Variants in CXXC4 observed in about 807,000 individuals in gnomAD.
CXXC4 encodes CXXC finger protein 4, also known as CXXC-type zinc finger protein 4.
CXXC4 carries 5 observed loss-of-function variants against 20.5 expected under a neutral mutation model. The ratio of observed to expected loss-of-function variants is 0.24; its 90% CI spans 0.13 to 0.51. CXXC4 has a LOEUF of 0.51. Ranked by LOEUF, CXXC4 falls within the 20% of genes least tolerant of loss-of-function variation. The pLI, the probability that CXXC4 is intolerant of heterozygous loss-of-function variation, is 0.97. For missense variants in CXXC4, 419 were observed against 496.4 expected, an observed-to-expected ratio of 0.84 and a Z score of 1.48; for synonymous variants, 250 against 216.4, an observed-to-expected ratio of 1.16 and a Z score of -1.36.
chr4:104,476,967 T>C (rs1736424867), intron 2 of CXXC4, among the ~76,000 whole-genome samples: 1 of 152,302 alleles, frequency 6.6e-6, no homozygotes, highest in South Asian at 2.1e-4. Flanking sequence ...ACCTACTGTA[T>C]AACCTTTTGA....
At position 104,483,582 on chromosome 4, in the gene CXXC4, A is replaced by G. The variant is rs138617126; in HGVS notation, c.1059+7162T>C. On this transcript the variant is annotated intron_variant, in intron 2 of 2. Coordinates refer to ENST00000394767, the MANE Select transcript of CXXC4 (RefSeq NM_025212.4). ...TATCTACCTGTTTTATTTCCTATGTACACTCATATATATATATATTCTCGA... is the reference window on the plus strand; with the variant it reads ...TATCTACCTGTTTTATTTCCTATGTGCACTCATATATATATATATTCTCGA... Among the ~76,000 whole-genome samples, 677 of 151,984 alleles carry G rather than the reference A, an allele frequency of 4.5e-3. 4 individuals are homozygous for G. The highest frequency in any genetic ancestry group is 0.015 in the African/African-American group (627 of 41,516).
At chr4:104,485,989 A>G (rs1442219556) in intron 2 of CXXC4, among the ~76,000 whole-genome samples, 1 of 152,116 alleles carries the variant, frequency 6.6e-6, no homozygotes, top group Admixed American at 6.6e-5. Flanking sequence ...CTTTTCAGAA[A>G]CCTAAAGTTT....
chr4:104,493,735 T>C (rs1394394219), intron 1 of CXXC4, among the ~76,000 whole-genome samples: 1 of 152,194 alleles, frequency 6.6e-6, no homozygotes, highest in Non-Finnish European at 1.5e-5. Flanking sequence ...GCCCCCAAAA[T>C]GCTCTTGGCT....
At chr4:104,480,437 G>T (rs1736523434) in intron 2 of CXXC4, among the ~76,000 whole-genome samples, 1 of 152,030 alleles carries the variant, frequency 6.6e-6, no homozygotes, top group African/African-American at 2.4e-5. Context: ...TCATTATAGG[G>T]GTTGGATAGC....
rs1736241230 is a variant in CXXC4, at chr4:104,470,476, C to T, written c.*1846G>A. The T allele has an allele frequency of 6.6e-6, 1 of 151,974 alleles. No homozygotes were observed. Among genetic ancestry groups the T allele is most frequent in the Non-Finnish European group, 1.5e-5 (1 of 67,964 alleles). The allele number at this position is 151,974 out of a possible 1,614,324, so 9.4% of individuals were successfully genotyped here. On this transcript the variant is annotated 3_prime_UTR_variant, in exon 3 of 3. Transcript: ENST00000394767. ...GTGTGCATGCTTTGTCCACCCTCCCCCAGTACTTTCACCATGAAACACTCT... is the reference window on the plus strand; with the variant it reads ...GTGTGCATGCTTTGTCCACCCTCCCTCAGTACTTTCACCATGAAACACTCT...
rs1284706957 is a variant in CXXC4 at position 104,471,790 on chromosome 4, T to C, written c.*532A>G. ...CTGCTTCTAAACCACTGGCAAAAAA[T>C]AGTTAAAGCTAAAATTTATTGCTCC... On this transcript the variant is annotated 3_prime_UTR_variant, in exon 3 of 3. Coordinates refer to ENST00000394767, the MANE Select transcript of CXXC4 (RefSeq NM_025212.4). 1 of 152,024 alleles carries C rather than the reference T, an allele frequency of 6.6e-6. No individual in the cohort carries two copies. The allele number at this position is 152,024 out of a possible 1,614,324, so 9.4% of individuals were successfully genotyped here.
At chr4:104,477,220 T>C (rs1736431462) in intron 2 of CXXC4, among the ~76,000 whole-genome samples, 1 of 152,186 alleles carries the variant, frequency 6.6e-6, no homozygotes, top group African/African-American at 2.4e-5. Context: ...TGTGGCTACA[T>C]ATAAAACTTT....
Position 104,468,660 on chromosome 4 carries a change from C to T in CXXC4, c.*3662G>A, listed in dbSNP as rs949131620. 6.7e-6 allele frequency: 1 copy of T among 150,272 alleles called. No individual in the cohort carries two copies. Among genetic ancestry groups the T allele is most frequent in the Non-Finnish European group, 1.5e-5 (1 of 67,640 alleles). 9.3% of individuals were successfully genotyped at this position (150,272 alleles called of 1,614,324 possible). On this transcript the variant is annotated 3_prime_UTR_variant, in exon 3 of 3. Coordinates refer to ENST00000394767, the MANE Select transcript of CXXC4 (RefSeq NM_025212.4). ...CCTAATATAGTAGCTGTCTTTTATT[C>T]ACTAGGAATACAGATCTCAGTGTGA... is the stretch of plus-strand genomic sequence containing the variant.
intron 1 of CXXC4, 36 bp from the exon 2 acceptor site, chr4:104,492,095 A>T (rs1736902779): frequency 3.8e-6 from 1 of 263,304 alleles, no homozygotes; most frequent in Non-Finnish European, 7.2e-6. Flanking sequence ...GAGCTGCACG[A>T]GGAAAAAGAT....
intron 2 of CXXC4, among the ~76,000 whole-genome samples, chr4:104,474,704 CAG>C (rs1262506842): frequency 2.0e-5 from 3 of 151,916 alleles, no homozygotes; most frequent in Admixed American, 2.0e-4. Context: ...ATGTATGACA[CAG>C]AGATGCCAAC....
At chr4:104,476,301 G>A (rs1399231741) in intron 2 of CXXC4, among the ~76,000 whole-genome samples, 1 of 152,154 alleles carries the variant, frequency 6.6e-6, no homozygotes, top group Non-Finnish European at 1.5e-5. Flanking sequence ...AAGGATTTTA[G>A]CATGTTTCTC....
At chr4:104,473,097 G>A (rs1299119205) in intron 2 of CXXC4, among the ~76,000 whole-genome samples, 2 of 151,460 alleles carry the variant, frequency 1.3e-5, no homozygotes, top group Non-Finnish European at 2.9e-5. Flanking sequence ...TAAAGCTGAT[G>A]TTCAAAATTC....
At chr4:104,494,640 TACTTGTAAACA>T in intron 1 of CXXC4, 50 bp downstream of exon 1, 1 of 118,384 alleles carries the variant, frequency 8.4e-6, no homozygotes, top group South Asian at 3.9e-4. Flanking sequence ...ACAACTTTAA[TACTTGTAAACA>T]AACTGTTGGG....
intron 2 of CXXC4, among the ~76,000 whole-genome samples, chr4:104,483,855 A>C (rs908963488): frequency 6.6e-6 from 1 of 152,008 alleles, no homozygotes; most frequent in Non-Finnish European, 1.5e-5. Flanking sequence ...AGGAAGGAGA[A>C]AGAGCACTAA....
chr4:104,482,668 T>A (rs1290782979), intron 2 of CXXC4, among the ~76,000 whole-genome samples: 2 of 152,150 alleles, frequency 1.3e-5, no homozygotes, highest in Non-Finnish European at 1.5e-5. Context: ...TGATTAAATT[T>A]ATATGGTCTT....
chr4:104,490,697 AG>A, intron 2 of CXXC4, 46 bp downstream of exon 2: 1 of 1,493,618 alleles, frequency 6.7e-7, no homozygotes. Context: ...AGAGGGAGTG[AG>A]GAGGGAAGGG....
intron 2 of CXXC4, among the ~76,000 whole-genome samples, chr4:104,489,639 A>T (rs1352758920): frequency 3.3e-5 from 5 of 152,242 alleles, no homozygotes; most frequent in African/African-American, 1.2e-4. Context: ...ATCGAGACTA[A>T]CTATAAGTAC....
chr4:104,478,931 CATGTATATAT>C (rs1736486807), intron 2 of CXXC4, among the ~76,000 whole-genome samples: 1 of 151,554 alleles, frequency 6.6e-6, no homozygotes, highest in African/African-American at 2.4e-5. Flanking sequence ...ATTTCATTTG[CATGTATATAT>C]ATGTATAAAT....
At chr4:104,475,858 T>G (rs1215148789) in intron 2 of CXXC4, among the ~76,000 whole-genome samples, 1 of 152,042 alleles carries the variant, frequency 6.6e-6, no homozygotes, top group Admixed American at 6.6e-5. Context: ...AGGTAAAGAA[T>G]AGAATTGAGT....
Sources: allele counts gnomAD v4.1 joint callset (sites outside exome capture counted in the v4.1 genomes callset), GRCh38; gene constraint gnomAD v4.1.1; transcripts MANE v1.5; gene names NCBI Gene and HGNC (gene_info 2026-07-23, HGNC 2026-07-21).